The following QKI variants were observed in gnomAD, a reference collection of about 807,000 sequenced individuals.
QKI encodes QKI, KH domain containing RNA binding, also known as KH domain-containing RNA-binding protein QKI.
QKI carries 10 observed loss-of-function variants against 39.0 expected under a neutral mutation model. That is an observed-to-expected ratio of 0.26 (90% CI 0.16 to 0.43). QKI has a LOEUF of 0.43. Ranked by LOEUF, QKI falls within the 20% of genes least tolerant of loss-of-function variation. QKI has a pLI of 1.00. For synonymous variants in QKI, 204 were observed against 155.4 expected, an observed-to-expected ratio of 1.31 and a Z score of -2.33; for missense variants, 218 against 428.0, an observed-to-expected ratio of 0.51 and a Z score of 4.33.
At chr6:163,531,411 C>T (rs141150758) in intron 3 of QKI, among the ~76,000 whole-genome samples, 1 of 152,292 alleles carries the variant, frequency 6.6e-6, no homozygotes, top group East Asian at 1.9e-4. Flanking sequence ...TGCTTGATAG[C>T]TAGCCATTTG....
At chr6:163,512,975 C>G (rs530203335) in intron 3 of QKI, among the ~76,000 whole-genome samples, 37 of 152,230 alleles carry the variant, frequency 2.4e-4, no homozygotes, top group African/African-American at 8.7e-4. Flanking sequence ...CACAGTTTTG[C>G]TTTTCATGGT....
intron 2 of QKI, among the ~76,000 whole-genome samples, chr6:163,473,525 A>C (rs1432540477): frequency 6.6e-6 from 1 of 152,248 alleles, no homozygotes; most frequent in East Asian, 1.9e-4. Context: ...AGAAAGGAAG[A>C]TACAGGTAAC....
At chr6:163,563,390 C>T in intron 5 of QKI, 30 bp from the exon 6 acceptor site, 3 of 1,550,668 alleles carry the variant, frequency 1.9e-6, no homozygotes, top group Non-Finnish European at 2.6e-6. Context: ...TGTCTCTATA[C>T]TTCTTTCTAA....
chr6:163,471,460 G>C (rs1792176303), intron 2 of QKI, among the ~76,000 whole-genome samples: 1 of 152,118 alleles, frequency 6.6e-6, no homozygotes, highest in Non-Finnish European at 1.5e-5. Flanking sequence ...TGAAAATAAT[G>C]GCCTGTTGAG....
Position 163,416,915 on chromosome 6 carries a change from C to CA in QKI, c.142+1596dup, listed in dbSNP as rs4055816. ...GGAGGCAGAAAACTTTCTGGAATGT[C>CA]AAAAAAAAAAAAAAAATGCTGGAAC... On this transcript the variant is annotated intron_variant, in intron 1 of 7. Coordinates refer to ENST00000361752, the MANE Select transcript of QKI (RefSeq NM_006775.3). 4.4e-3 allele frequency among the ~76,000 whole-genome samples: 640 copies of CA among 147,116 alleles called. 2 individuals are homozygous for CA. The highest frequency in any genetic ancestry group is 9.9e-3 in the South Asian group (46 of 4,652).
chr6:163,558,547 C>T (rs1439009800), intron 4 of QKI, among the ~76,000 whole-genome samples: 2 of 151,952 alleles, frequency 1.3e-5, no homozygotes, highest in Admixed American at 1.3e-4. Context: ...TTACAGGCAC[C>T]TGCCACCACG....
intron 4 of QKI, among the ~76,000 whole-genome samples, chr6:163,560,195 A>C (rs1185057994): frequency 6.6e-6 from 1 of 152,174 alleles, no homozygotes. Flanking sequence ...ATTCTCATGG[A>C]GCTTACTTTG....
At chr6:163,425,960 T>C (rs1005305708) in intron 1 of QKI, among the ~76,000 whole-genome samples, 6 of 152,224 alleles carry the variant, frequency 3.9e-5, no homozygotes, top group Non-Finnish European at 7.3e-5. Context: ...AATTTAATTG[T>C]ATTAATTTTT....
chr6:163,519,614 A>G (rs963176806), intron 3 of QKI, among the ~76,000 whole-genome samples: 4 of 151,724 alleles, frequency 2.6e-5, no homozygotes, highest in African/African-American at 9.7e-5. Flanking sequence ...TAAAAGTATT[A>G]TTTTTAGTGT....
chr6:163,555,913 A>G (rs1782567035), intron 4 of QKI, among the ~76,000 whole-genome samples: 1 of 152,244 alleles, frequency 6.6e-6, no homozygotes, highest in Non-Finnish European at 1.5e-5. Flanking sequence ...TGATGAATTC[A>G]AAAGATACTT....
chr6:163,560,027 C>G (rs1782898585), intron 4 of QKI, among the ~76,000 whole-genome samples: 1 of 152,164 alleles, frequency 6.6e-6, no homozygotes, highest in Non-Finnish European at 1.5e-5. Flanking sequence ...CTACTGCTTG[C>G]TTTGACTGTG....
At chr6:163,424,442 G>T (rs749284109) in intron 1 of QKI, among the ~76,000 whole-genome samples, 1 of 152,060 alleles carries the variant, frequency 6.6e-6, no homozygotes, top group Non-Finnish European at 1.5e-5. Flanking sequence ...TATAGACCTG[G>T]GATCTAATCA....
intron 2 of QKI, among the ~76,000 whole-genome samples, chr6:163,470,164 C>T (rs80151990): frequency 0.037 from 5,639 of 152,082 alleles, 108 homozygotes; most frequent in African/African-American, 0.055. Flanking sequence ...CTGCTGAGCA[C>T]GTTTGCAGAA....
chr6:163,442,202 C>A (rs555654777), intron 1 of QKI, among the ~76,000 whole-genome samples: 1 of 152,112 alleles, frequency 6.6e-6, no homozygotes, highest in African/African-American at 2.4e-5. Flanking sequence ...TAAAACTGAC[C>A]TTTTCAGTAA....
intron 2 of QKI, among the ~76,000 whole-genome samples, chr6:163,458,017 C>G (rs1028965742): frequency 6.6e-6 from 1 of 152,226 alleles, no homozygotes; most frequent in African/African-American, 2.4e-5. Context: ...GAAAAACATT[C>G]TAGGCAGAGT....
At chr6:163,556,093 C>T (rs9688570) in intron 4 of QKI, among the ~76,000 whole-genome samples, 7,315 of 152,200 alleles carry the variant, frequency 0.048, 603 homozygotes, top group African/African-American at 0.17. Flanking sequence ...GCCAATACCA[C>T]ACATTTGTTA....
chr6:163,426,241 C>T (rs889917180), intron 1 of QKI, among the ~76,000 whole-genome samples: 1 of 149,808 alleles, frequency 6.7e-6, no homozygotes, highest in East Asian at 1.9e-4. Context: ...CTAGAACCAT[C>T]TCTTTTTTTT....
At chr6:163,547,752 A>G (rs895781423) in intron 4 of QKI, among the ~76,000 whole-genome samples, 1 of 151,858 alleles carries the variant, frequency 6.6e-6, no homozygotes, top group African/African-American at 2.4e-5. Flanking sequence ...GTCTGATTCT[A>G]CCTCCAAATA....
At chr6:163,556,342 A>G (rs1165078839) in intron 4 of QKI, among the ~76,000 whole-genome samples, 3 of 151,980 alleles carry the variant, frequency 2.0e-5, no homozygotes, top group Non-Finnish European at 2.9e-5. Context: ...GTGAAACCGC[A>G]TCTCTACTAA....
Sources: allele counts gnomAD v4.1 joint callset (sites outside exome capture counted in the v4.1 genomes callset), GRCh38; gene constraint gnomAD v4.1.1; transcripts MANE v1.5; gene names NCBI Gene and HGNC (gene_info 2026-07-23, HGNC 2026-07-21).